The following ADAM23 variants were observed in gnomAD, a reference collection of about 807,000 sequenced individuals.
ADAM23 encodes disintegrin and metalloproteinase domain-containing protein 23.
In ADAM23, 33 loss-of-function variants were observed where a neutral mutation model predicts 120.1. The ratio of observed to expected loss-of-function variants is 0.27; its 90% CI spans 0.21 to 0.37. ADAM23 has a LOEUF of 0.37. ADAM23 is among the 10% of genes least tolerant of loss of function. The pLI is 1.00. For missense variants in ADAM23, 862 were observed against 1,058.2 expected (o/e 0.81, Z 2.57); for synonymous variants, 367 against 375.2 (o/e 0.98, Z 0.25).
rs199923539 is a variant in ADAM23 at position 206,549,241 on chromosome 2, CTTA to C, written c.868-852_868-850del. Among the ~76,000 whole-genome samples, 719 of 151,372 alleles carry C rather than the reference CTTA, an allele frequency of 4.7e-3. 12 individuals carry two copies. The highest frequency in any genetic ancestry group is 0.017 in the African/African-American group (685 of 41,408). On this transcript the variant is annotated intron_variant, in intron 8 of 25. Coordinates refer to ENST00000264377, the MANE Select transcript of ADAM23 (RefSeq NM_003812.4). ...AAATTTTCCTCCCTTTTATGAAACTCTTATGATAATTATGGATACATTTATTAT... is the reference window on the plus strand; with the variant it reads ...AAATTTTCCTCCCTTTTATGAAACTCTGATAATTATGGATACATTTATTAT...
At chr2:206,571,010 C>G (rs1364633613) in intron 16 of ADAM23, among the ~76,000 whole-genome samples, 199 bp downstream of exon 16, 3 of 152,210 alleles carry the variant, frequency 2.0e-5, no homozygotes, top group Non-Finnish European at 2.9e-5. Context: ...CTAATAGATT[C>G]TTCTAATTAA....
At chr2:206,559,555 C>A (rs368297622) in intron 10 of ADAM23, among the ~76,000 whole-genome samples, 2 of 152,282 alleles carry the variant, frequency 1.3e-5, no homozygotes, top group Non-Finnish European at 2.9e-5. Context: ...TCATTCCAAT[C>A]CAGCAGGAAT....
chr2:206,613,277 T>G (rs1698870686), intron 25 of ADAM23, among the ~76,000 whole-genome samples: 1 of 152,172 alleles, frequency 6.6e-6, no homozygotes, highest in Non-Finnish European at 1.5e-5. Flanking sequence ...CAGGCAGGTC[T>G]GGAACTTCCA....
intron 3 of ADAM23, among the ~76,000 whole-genome samples, chr2:206,510,223 A>T (rs1189607108): frequency 6.6e-6 from 1 of 152,226 alleles, no homozygotes; most frequent in African/African-American, 2.4e-5. Flanking sequence ...GGGCTTAATA[A>T]ATATTAAATT....
rs1697785477 is a variant in ADAM23 at position 206,562,353 on chromosome 2, C to T, written c.1345+60C>T. ...GCCATTCTGTCTGTATAATGCATGT[C>T]CAGTCAATAAATAAATATTTTTCAT... On this transcript the variant is annotated intron_variant, in intron 13 of 25. Coordinates refer to ENST00000264377, the MANE Select transcript of ADAM23 (RefSeq NM_003812.4). 1.9e-5 allele frequency: 22 copies of T among 1,170,078 alleles called. No homozygotes were observed. The South Asian group carries it at 3.0e-4, about 16-fold the overall frequency. The allele number at this position is 1,170,078 out of a possible 1,614,324, so 72.5% of individuals were successfully genotyped here.
At position 206,557,420 on chromosome 2, in the gene ADAM23, C is replaced by T. The variant is rs1697668607; in HGVS notation, c.934-7C>T. 2 of 1,610,778 alleles carry T rather than the reference C, an allele frequency of 1.2e-6. No homozygotes were observed. Among genetic ancestry groups the T allele is most frequent in the Non-Finnish European group, 1.7e-6 (2 of 1,177,306 alleles). On this transcript the variant is annotated splice_region_variant and splice_polypyrimidine_tract_variant and intron_variant, in intron 9 of 25. Transcript: ENST00000264377. The stretch of plus-strand genomic sequence containing the variant: ...TTGGCAGTGACTGGTATGTATTTCC[C>T]CCCTAGTATAAGAAGCATCGCTCTT...
At chr2:206,590,937 G>T (rs1360193553) in intron 21 of ADAM23, among the ~76,000 whole-genome samples, 1 of 152,116 alleles carries the variant, frequency 6.6e-6, no homozygotes, top group East Asian at 1.9e-4. Flanking sequence ...GAGAGGCATT[G>T]GATTAGATTA....
intron 3 of ADAM23, among the ~76,000 whole-genome samples, chr2:206,488,539 C>A (rs2105883707): frequency 6.6e-6 from 1 of 152,276 alleles, no homozygotes; most frequent in Admixed American, 6.5e-5. Flanking sequence ...TCACTGAGAG[C>A]TCTGGGAGTC....
chr2:206,514,499 G>T (rs1397728871), intron 3 of ADAM23, among the ~76,000 whole-genome samples: 1 of 152,228 alleles, frequency 6.6e-6, no homozygotes, highest in Non-Finnish European at 1.5e-5. Flanking sequence ...TTGAATGGAT[G>T]AAGAGTTACT....
chr2:206,575,028 G>A lies in ADAM23; in HGVS notation c.1737+1833G>A, dbSNP rs1368844039. Reference sequence around the variant, plus strand: ...TAAATAAAAAATCAGATGGTGGTAAGTACAAAGCATAAAATAAGGCAAAGT... The same window carrying A: ...TAAATAAAAAATCAGATGGTGGTAAATACAAAGCATAAAATAAGGCAAAGT... On this transcript the variant is annotated intron_variant, in intron 18 of 25. Coordinates refer to ENST00000264377, the MANE Select transcript of ADAM23 (RefSeq NM_003812.4). Among the ~76,000 whole-genome samples, 3 of 152,100 alleles carry A rather than the reference G, an allele frequency of 2.0e-5. No individual in the cohort carries two copies. In the East Asian group the frequency reaches 5.8e-4, roughly 29 times the overall value.
intron 10 of ADAM23, among the ~76,000 whole-genome samples, chr2:206,558,810 G>T (rs529426360): frequency 7.2e-4 from 110 of 152,322 alleles, no homozygotes; most frequent in Admixed American, 1.3e-3. Flanking sequence ...ATTTTTAAAA[G>T]ACATTACATT....
intron 3 of ADAM23, among the ~76,000 whole-genome samples, chr2:206,525,167 T>C (rs909639809): frequency 6.6e-6 from 1 of 152,186 alleles, no homozygotes; most frequent in African/African-American, 2.4e-5. Flanking sequence ...TGTTAGGCCT[T>C]GGTGCTTGCT....
chr2:206,575,426 A>G (rs539067215), intron 18 of ADAM23, among the ~76,000 whole-genome samples: 1 of 152,330 alleles, frequency 6.6e-6, no homozygotes, highest in East Asian at 1.9e-4. Context: ...ATTTATACCC[A>G]GTATGGGTAT....
intron 2 of ADAM23, among the ~76,000 whole-genome samples, chr2:206,447,405 G>C (rs946917744): frequency 6.6e-6 from 1 of 152,160 alleles, no homozygotes; most frequent in Non-Finnish European, 1.5e-5. Context: ...AGAGATAAAG[G>C]TTAAAAGGAT....
At chr2:206,488,183 CTTCA>C (rs1178667799) in intron 3 of ADAM23, among the ~76,000 whole-genome samples, 1 of 152,188 alleles carries the variant, frequency 6.6e-6, no homozygotes, top group Non-Finnish European at 1.5e-5. Flanking sequence ...TTAATTCATT[CTTCA>C]TTCAGTCAAC....
intron 2 of ADAM23, among the ~76,000 whole-genome samples, chr2:206,447,544 AC>A (rs1196216628): frequency 2.0e-5 from 3 of 151,732 alleles, no homozygotes; most frequent in African/African-American, 7.3e-5. Flanking sequence ...GTGTTCTGTG[AC>A]CTCCCTTTTA....
intron 3 of ADAM23, among the ~76,000 whole-genome samples, chr2:206,501,039 G>C (rs1032772009): frequency 2.0e-5 from 3 of 151,488 alleles, no homozygotes. Flanking sequence ...TGAATTGCAG[G>C]GATTTATACA....
At chr2:206,550,418 T>C (rs745722489) in intron 9 of ADAM23, among the ~76,000 whole-genome samples, 27 of 152,264 alleles carry the variant, frequency 1.8e-4, no homozygotes, top group African/African-American at 6.3e-4. Context: ...AAAATTCTTA[T>C]TCTCTACTTT....
intron 3 of ADAM23, among the ~76,000 whole-genome samples, chr2:206,513,060 C>G (rs1696658722): frequency 1.3e-5 from 2 of 152,134 alleles, no homozygotes; most frequent in Non-Finnish European, 2.9e-5. Flanking sequence ...TTCTCTCTCC[C>G]TCTCTGGCCT....
Sources: gnomAD v4.1 joint callset for allele counts (sites outside exome capture counted in the v4.1 genomes callset) on GRCh38, gnomAD v4.1.1 for gene constraint, MANE v1.5 for transcripts, NCBI Gene and HGNC (gene_info 2026-07-23, HGNC 2026-07-21) for gene names.